LHFPL3: variants seen among roughly 807,000 people sequenced by gnomAD.
The protein encoded by LHFPL3 is LHFPL tetraspan subfamily member 3 protein.
A neutral mutation model predicts 19.3 loss-of-function variants in LHFPL3; 5 were observed. That is an observed-to-expected ratio of 0.26 (90% CI 0.14 to 0.54). The LOEUF is 0.54. Ranked by LOEUF, LHFPL3 falls within the 20% of genes least tolerant of loss-of-function variation. The pLI is 0.94. For synonymous variants in LHFPL3, 133 were observed against 126.2 expected (o/e 1.05, Z -0.36); for missense variants, 249 against 307.4 (o/e 0.81, Z 1.42).
intron 1 of LHFPL3, among the ~76,000 whole-genome samples, chr7:104,495,747 T>A (rs998807728): frequency 2.0e-5 from 3 of 152,164 alleles, no homozygotes; most frequent in African/African-American, 7.2e-5. Flanking sequence ...GGTCTTGAAC[T>A]CCCGGCCTCA....
chr7:104,481,182 G>A (rs910397658), intron 1 of LHFPL3, among the ~76,000 whole-genome samples: 3 of 152,154 alleles, frequency 2.0e-5, no homozygotes, highest in African/African-American at 7.2e-5. Flanking sequence ...CTCCTCCTAA[G>A]TTCATGGTCC....
chr7:104,832,297 A>G lies in LHFPL3; in HGVS notation c.683-73890A>G, dbSNP rs1339109862. 2.6e-5 allele frequency among the ~76,000 whole-genome samples: 4 copies of G among 152,094 alleles called. No homozygotes were observed. The East Asian group carries it at 7.7e-4, about 29-fold the overall frequency. ...ACAATATTAATATCCCTAGCATTAC[A>G]TCCTCTATTAAACATAAAGAAAACA... On this transcript the variant is annotated intron_variant, in intron 2 of 2. Coordinates refer to ENST00000424859, the MANE Select transcript of LHFPL3 (RefSeq NM_199000.3).
intron 1 of LHFPL3, among the ~76,000 whole-genome samples, chr7:104,581,864 C>A (rs1790468258): frequency 6.6e-6 from 1 of 151,920 alleles, no homozygotes. Flanking sequence ...TACGCCATTA[C>A]CACACTGTCT....
chr7:104,626,049 A>G (rs4727607), intron 1 of LHFPL3, among the ~76,000 whole-genome samples: 145,990 of 152,312 alleles, frequency 0.96, 70,228 homozygotes, highest in East Asian at 1. Flanking sequence ...TAAACAACAC[A>G]AAGTACTGTA....
At chr7:104,494,267 T>G (rs754700097) in intron 1 of LHFPL3, among the ~76,000 whole-genome samples, 7 of 152,232 alleles carry the variant, frequency 4.6e-5, no homozygotes, top group Non-Finnish European at 1.0e-4. Context: ...TGCAAATCTA[T>G]TAGTTCAACA....
intron 1 of LHFPL3, among the ~76,000 whole-genome samples, chr7:104,595,049 CA>C (rs1172880917): frequency 2.6e-5 from 4 of 152,228 alleles, no homozygotes; most frequent in Non-Finnish European, 4.4e-5. Context: ...GTCAACTTCT[CA>C]AAGTCATTCT....
rs192566053 is a variant in LHFPL3 at position 104,361,542 on chromosome 7, G to A, written c.445+32318G>A. ...AGGAATAGGTAAATAGCAGCCTTTG[G>A]CCCCGCACTACTTTGTGAGCCACCC... is the stretch of plus-strand genomic sequence containing the variant. On this transcript the variant is annotated intron_variant, in intron 1 of 2. Transcript: ENST00000424859. Among the ~76,000 whole-genome samples the A allele has an allele frequency of 3.2e-4, 49 of 152,268 alleles. No homozygotes were observed. The East Asian group carries it at 8.5e-3, about 26-fold the overall frequency.
At chr7:104,753,710 A>G (rs1356568620) in intron 2 of LHFPL3, among the ~76,000 whole-genome samples, 1 of 152,242 alleles carries the variant, frequency 6.6e-6, no homozygotes, top group Non-Finnish European at 1.5e-5. Context: ...ATAAGAAAAA[A>G]AAAAGCTCAA....
At chr7:104,434,665 C>A (rs1792067830) in intron 1 of LHFPL3, among the ~76,000 whole-genome samples, 1 of 152,122 alleles carries the variant, frequency 6.6e-6, no homozygotes, top group Non-Finnish European at 1.5e-5. Flanking sequence ...GTAATGTAAG[C>A]TTCTGAGGAT....
At chr7:104,347,626 A>G (rs1441812097) in intron 1 of LHFPL3, among the ~76,000 whole-genome samples, 1 of 152,128 alleles carries the variant, frequency 6.6e-6, no homozygotes, top group Non-Finnish European at 1.5e-5. Flanking sequence ...AGCTGGGTAC[A>G]ATTGCTCATG....
intron 2 of LHFPL3, chr7:104,768,961 A>T (rs1225845203): frequency 6.6e-6 from 1 of 152,250 alleles, no homozygotes; most frequent in Admixed American, 6.5e-5. Flanking sequence ...GCAAGATTCC[A>T]TCAGCTGTTG....
chr7:104,529,451 G>A (rs1017590142), intron 1 of LHFPL3, among the ~76,000 whole-genome samples: 1 of 152,092 alleles, frequency 6.6e-6, no homozygotes, highest in African/African-American at 2.4e-5. Context: ...TGCCTGTAAT[G>A]CCATTTCTTC....
intron 1 of LHFPL3, among the ~76,000 whole-genome samples, chr7:104,586,202 G>A (rs1790572960): frequency 6.6e-6 from 1 of 152,104 alleles, no homozygotes; most frequent in African/African-American, 2.4e-5. Flanking sequence ...TTTGAGCCTA[G>A]GGAAAATTTA....
chr7:104,608,397 CA>C (rs1334981579), intron 1 of LHFPL3, among the ~76,000 whole-genome samples: 1 of 149,976 alleles, frequency 6.7e-6, no homozygotes, highest in Non-Finnish European at 1.5e-5. Flanking sequence ...ATCACAAGGA[CA>C]AAAAACCAAA....
At chr7:104,493,849 A>G (rs918119913) in intron 1 of LHFPL3, among the ~76,000 whole-genome samples, 2 of 152,066 alleles carry the variant, frequency 1.3e-5, no homozygotes, top group African/African-American at 4.8e-5. Context: ...CACCTCTGCT[A>G]TCCAATAAGG....
intron 1 of LHFPL3, among the ~76,000 whole-genome samples, chr7:104,603,145 T>TTTTTC (rs1584432706): frequency 2.1e-4 from 10 of 47,034 alleles, no homozygotes; most frequent in South Asian, 2.8e-3. Flanking sequence ...TTCCCTTCCT[T>TTTTTC]CCTTCCTTCC....
At chr7:104,522,302 C>T (rs954246445) in intron 1 of LHFPL3, among the ~76,000 whole-genome samples, 1 of 149,628 alleles carries the variant, frequency 6.7e-6, no homozygotes, top group Admixed American at 6.8e-5. Context: ...AAACCAAACA[C>T]CGCATATTCT....
chr7:104,434,390 A>G (rs925185132), intron 1 of LHFPL3, among the ~76,000 whole-genome samples: 1 of 152,258 alleles, frequency 6.6e-6, no homozygotes, highest in African/African-American at 2.4e-5. Flanking sequence ...ATTGTATGCA[A>G]AAGTTTTTGC....
At chr7:104,711,272 C>G (rs565735744) in intron 1 of LHFPL3, among the ~76,000 whole-genome samples, 1 of 152,290 alleles carries the variant, frequency 6.6e-6, no homozygotes, top group African/African-American at 2.4e-5. Flanking sequence ...ATTGAGATGC[C>G]AGCTGCAATT....
Sources: allele counts gnomAD v4.1 joint callset (sites outside exome capture counted in the v4.1 genomes callset), GRCh38; gene constraint gnomAD v4.1.1; transcripts MANE v1.5; gene names NCBI Gene and HGNC (gene_info 2026-07-23, HGNC 2026-07-21).